UBA1: variants seen among roughly 807,000 people sequenced by gnomAD.
The protein encoded by UBA1 is ubiquitin like modifier activating enzyme 1.
Under a neutral mutation model 84.7 loss-of-function variants are expected in UBA1, and 4 were observed. The ratio of observed to expected loss-of-function variants is 0.05; its 90% CI spans 0.02 to 0.11. UBA1 has a LOEUF of 0.11. Ranked by LOEUF, UBA1 falls within the 10% of genes least tolerant of loss-of-function variation. UBA1 has a pLI of 1.00. For synonymous variants in UBA1, 364 were observed against 362.6 expected (o/e 1.00, Z -0.04); for missense variants, 513 against 902.8 (o/e 0.57, Z 5.53).
At position 47,207,861 on chromosome X, in the gene UBA1, A is replaced by G. The variant is rs781845854; in HGVS notation, c.1938+1417A>G. On this transcript the variant is annotated intron_variant, in intron 16 of 25. Coordinates refer to ENST00000335972, the MANE Select transcript of UBA1 (RefSeq NM_003334.4). Reference sequence around the variant, plus strand: ...ATGACAGCATCTACCTCACAGGACTATTGTGAACCACTTGGCATTTACTGT... The same window carrying G: ...ATGACAGCATCTACCTCACAGGACTGTTGTGAACCACTTGGCATTTACTGT... 9.8e-5 allele frequency among the ~76,000 whole-genome samples: 11 copies of G among 112,106 alleles called. 1 individual carries two copies. In the South Asian group the frequency reaches 4.1e-3, roughly 41 times the overall value.
chrX:47,199,634 C>G lies in UBA1; in HGVS notation c.480+20C>G. ...TTCCAGGTATCTTGGGGGTACTACC[C>G]AGCCTTCTGCCCAGTTTTCTCAGAG... On this transcript the variant is annotated intron_variant, in intron 5 of 25. Coordinates refer to ENST00000335972, the MANE Select transcript of UBA1 (RefSeq NM_003334.4). 1 of 1,209,586 alleles carries G rather than the reference C, an allele frequency of 8.3e-7. No homozygotes were observed. The highest frequency in any genetic ancestry group is 1.8e-5 in the South Asian group (1 of 56,914).
At chrX:47,206,680 T>C (rs1237139396) in intron 16 of UBA1, 1 of 426,163 alleles carries the variant, frequency 2.3e-6, no homozygotes, top group Non-Finnish European at 4.1e-6. Flanking sequence ...TTAAGAATAT[T>C]ATGATGAATA....
At chrX:47,202,277 G>A (rs1380207616) in intron 9 of UBA1, 24 bp downstream of exon 9, 1 of 1,202,667 alleles carries the variant, frequency 8.3e-7, no homozygotes, top group Admixed American at 2.2e-5. Context: ...TGGGATCAGT[G>A]GGCTGTGGGG....
At chrX:47,210,558 T>C in intron 18 of UBA1, among the ~76,000 whole-genome samples, 1 of 112,022 alleles carries the variant, frequency 8.9e-6, no homozygotes. Context: ...TTTATTAAAA[T>C]GAAGTTAGTA....
intron 15 of UBA1, 50 bp downstream of exon 15, chrX:47,206,163 C>T (rs782407028): frequency 2.0e-5 from 24 of 1,178,853 alleles, no homozygotes; most frequent in African/African-American, 5.3e-5. Flanking sequence ...GTGTGTGTTT[C>T]GGTGTGTATA....
chrX:47,193,495 T>C (rs1936098533), upstream of UBA1, among the ~76,000 whole-genome samples: 1 of 112,299 alleles, frequency 8.9e-6, no homozygotes, highest in South Asian at 3.7e-4. Context: ...ATCTGCTTTC[T>C]GGTTGCTGGT....
chrX:47,201,399 C>T, intron 7 of UBA1, 33 bp downstream of exon 7: 1 of 1,208,365 alleles, frequency 8.3e-7, no homozygotes, highest in Non-Finnish European at 1.1e-6. Flanking sequence ...TCCTGGCAGG[C>T]AGGTGGGCTG....
intron 5 of UBA1, among the ~76,000 whole-genome samples, chrX:47,200,040 C>T (rs1174307257): frequency 2.7e-5 from 3 of 110,777 alleles, no homozygotes; most frequent in African/African-American, 9.9e-5. Flanking sequence ...CCGCCTCCGC[C>T]TCCCAAAGTG....
chrX:47,201,066 ACT>A, intron 6 of UBA1, 66 bp downstream of exon 6: 2 of 1,000,193 alleles, frequency 2.0e-6, no homozygotes, highest in Non-Finnish European at 1.4e-6. Context: ...CCAGGCCAAG[ACT>A]CTAGGCTCTC....
upstream of UBA1, among the ~76,000 whole-genome samples, chrX:47,191,208 T>C (rs1488143691): frequency 9.0e-6 from 1 of 111,388 alleles, no homozygotes; most frequent in Non-Finnish European, 1.9e-5. Context: ...AGGGTCCGTG[T>C]ATGGGCACCC....
chrX:47,204,194 G>A (rs1215621870), intron 14 of UBA1, among the ~76,000 whole-genome samples: 2 of 89,341 alleles, frequency 2.2e-5, no homozygotes, highest in African/African-American at 9.0e-5. Flanking sequence ...AGTGCTGGTT[G>A]GGACAGTGTG....
chrX:47,198,878 G>A lies in UBA1; in HGVS notation c.76G>A (p.Ala26Thr), dbSNP rs1556786431. The A allele has an allele frequency of 1.7e-6, 2 of 1,212,048 alleles. No homozygotes were observed. The highest frequency in any genetic ancestry group is 2.2e-6 in the Non-Finnish European group (2 of 895,573). Residue 26 changes from alanine to threonine, a missense_variant, in exon 2 of 26, where the codon GCC becomes ACC. This residue lies in a region of UBA1 where 38 missense variants were observed against 43.4 expected (regional missense o/e 0.88). Transcript: ENST00000335972. ...AAAGCCGGGTTCTAACTGCTCCCCT[G>A]CCCAGTCCGTGTTGTCCGAAGTGCC... ...DPKPGSNCSP[A>T]QSVLSEVPSV... is the part of the protein sequence containing the mutation.
chrX:47,202,781 C>T lies in UBA1; in HGVS notation c.1200C>T (p.Phe400=). ...AAGDLAPINA[F]IGGLAAQEVM... is the part of the protein sequence containing the mutation. ...GGGATCTGGCACCCATAAACGCCTT[C>T]ATTGGGGGCCTGGCTGCCCAGGAAG... Residue 400 remains phenylalanine, a synonymous_variant, in exon 11 of 26, where the codon TTC becomes TTT. Coordinates refer to ENST00000335972, the MANE Select transcript of UBA1 (RefSeq NM_003334.4). 8.3e-7 allele frequency: 1 copy of T among 1,208,819 alleles called. No homozygotes were observed. The highest frequency in any genetic ancestry group is 1.1e-6 in the Non-Finnish European group (1 of 893,914).
At chrX:47,205,436 C>T (rs199800983) in intron 14 of UBA1, 141 of 342,119 alleles carry the variant, frequency 4.1e-4, no homozygotes, top group Non-Finnish European at 4.9e-4. Context: ...TCCCTTTATG[C>T]TGAGCCCCTG....
chrX:47,195,832 A>C (rs1644557363), intron 1 of UBA1, among the ~76,000 whole-genome samples: 1 of 110,270 alleles, frequency 9.1e-6, no homozygotes, highest in Non-Finnish European at 1.9e-5. Context: ...ATCCACCCTC[A>C]CAGCCTCCTG....
intron 16 of UBA1, 180 bp from the exon 17 acceptor site, chrX:47,209,443 T>C (rs1556792613): frequency 1.9e-6 from 1 of 531,032 alleles, no homozygotes; most frequent in Non-Finnish European, 3.4e-6. Context: ...TGTGAGCTAC[T>C]GTGCCTGGCC....
chrX:47,206,410 A>G lies in UBA1; in HGVS notation c.1904A>G (p.Lys635Arg). The part of the protein sequence containing the change: ...PEKSIPICTL[K>R]NFPNAIEHTL... ...AAGTCCATCCCCATCTGTACCCTGA[A>G]GAACTTCCCTAATGCCATCGAGCAC... The change falls in exon 16 of 26, where the codon AAG (lysine) becomes AGG (arginine). Residue 635 changes from lysine (K) to arginine (R), a missense_variant. This residue lies in a region of UBA1 where 40 missense variants were observed against 138.3 expected (regional missense o/e 0.29). Transcript: ENST00000335972. 8.2e-7 allele frequency: 1 copy of G among 1,212,268 alleles called. No homozygotes were observed. Among genetic ancestry groups the G allele is most frequent in the South Asian group, 1.8e-5 (1 of 57,019 alleles).
At position 47,203,124 on chromosome X, in the gene UBA1, C is replaced by T; in HGVS notation, c.1339-10C>T. ...GGCCTCTCTAACCCTCCTCCCTTTG[C>T]ATTCCTTAGCGCCAGAACCGTTATG... On this transcript the variant is annotated splice_polypyrimidine_tract_variant and intron_variant, in intron 12 of 25. Coordinates refer to ENST00000335972, the MANE Select transcript of UBA1 (RefSeq NM_003334.4). 1 of 1,211,333 alleles carries T rather than the reference C, an allele frequency of 8.3e-7. No homozygotes were observed. Among genetic ancestry groups the T allele is most frequent in the Admixed American group, 2.2e-5 (1 of 46,040 alleles).
At position 47,199,626 on chromosome X, in the gene UBA1, GTAC is replaced by G. The variant is rs782516462; in HGVS notation, c.480+16_480+18del. The G allele has an allele frequency of 1.7e-6, 2 of 1,210,420 alleles. No homozygotes were observed. Among genetic ancestry groups the G allele is most frequent in the East Asian group, 5.9e-5 (2 of 33,829 alleles). On this transcript the variant is annotated intron_variant, in intron 5 of 25. Transcript: ENST00000335972. ...TTAGTGGTTTCCAGGTATCTTGGGG[GTAC>G]TACCCAGCCTTCTGCCCAGTTTTCT...
Sources: allele counts gnomAD v4.1 joint callset (sites outside exome capture counted in the v4.1 genomes callset), GRCh38; gene constraint gnomAD v4.1.1; regional missense constraint gnomAD v4.1.1; transcripts MANE v1.5; gene names NCBI Gene and HGNC (gene_info 2026-07-23, HGNC 2026-07-21).